The following USH2A variants were observed in gnomAD, a reference collection of about 807,000 sequenced individuals.
USH2A encodes the protein usherin, also known as Usher syndrome 2A (autosomal recessive, mild).
In USH2A, 443 loss-of-function variants were observed where a neutral mutation model predicts 538.9. The observed-to-expected ratio is 0.82, with a 90% confidence interval of 0.76 to 0.89. USH2A has a LOEUF of 0.89. Ranked by LOEUF, USH2A falls within the 40% of genes least tolerant of loss-of-function variation. The probability of loss-of-function intolerance (pLI) is 0.00; values close to 1 mark genes in which losing one functional copy is unlikely to be tolerated. For missense variants in USH2A, 6,633 were observed against 6,324.8 expected (o/e 1.05, Z -1.65); for synonymous variants, 2,413 against 2,273.5 (o/e 1.06, Z -1.75).
chr1:216,082,554 T>C (rs568974707), intron 26 of USH2A, among the ~76,000 whole-genome samples: 2 of 151,750 alleles, frequency 1.3e-5, no homozygotes, highest in Admixed American at 1.3e-4. Flanking sequence ...AATCTAAGGG[T>C]AAGATGTTCA....
At chr1:215,974,626 A>T (rs995084753) in intron 35 of USH2A, among the ~76,000 whole-genome samples, 2 of 152,186 alleles carry the variant, frequency 1.3e-5, no homozygotes, top group Non-Finnish European at 2.9e-5. Flanking sequence ...TGCTTAGTAC[A>T]AAAGCCTCCA....
At chr1:216,069,449 C>T (rs763241559) in intron 30 of USH2A, among the ~76,000 whole-genome samples, 3 of 152,240 alleles carry the variant, frequency 2.0e-5, no homozygotes, top group Non-Finnish European at 4.4e-5. Context: ...AAATTTGACA[C>T]ATTTACTTCC....
chr1:216,097,776 T>C (rs758662750), intron 21 of USH2A, among the ~76,000 whole-genome samples: 4 of 152,170 alleles, frequency 2.6e-5, no homozygotes, highest in Non-Finnish European at 5.9e-5. Flanking sequence ...GCCCTGCATA[T>C]CATAGGATAT....
intron 4 of USH2A, among the ~76,000 whole-genome samples, chr1:216,355,355 GAAAGAAAGAAAGAAAGAAA>G (rs1415860475): frequency 1.3e-5 from 2 of 149,252 alleles, no homozygotes; most frequent in Admixed American, 1.3e-4. Flanking sequence ...AAGAAAGAAA[GAAAGAAAGAAAGAAAGAAA>G]GAAGGAAAGA....
At chr1:215,924,079 A>T (rs1666173541) in intron 38 of USH2A, among the ~76,000 whole-genome samples, 1 of 152,070 alleles carries the variant, frequency 6.6e-6, no homozygotes, top group Admixed American at 6.6e-5. Flanking sequence ...AGCATACGAA[A>T]CATTTAAATA....
At chr1:216,315,330 T>G (rs1486614507) in intron 9 of USH2A, among the ~76,000 whole-genome samples, 3 of 152,236 alleles carry the variant, frequency 2.0e-5, no homozygotes, top group Middle Eastern at 3.4e-3. Context: ...GAGGTGGGAT[T>G]TAAAAGCCTA....
intron 32 of USH2A, among the ~76,000 whole-genome samples, chr1:216,039,977 C>T (rs371570507): frequency 6.6e-6 from 1 of 151,504 alleles, no homozygotes; most frequent in East Asian, 1.9e-4. Flanking sequence ...AGAATTCATC[C>T]ACTTTTCCTC....
At chr1:216,076,516 GTTT>G (rs896084503) in intron 27 of USH2A, among the ~76,000 whole-genome samples, 22 of 151,584 alleles carry the variant, frequency 1.5e-4, no homozygotes, top group Non-Finnish European at 2.1e-4. Flanking sequence ...TTTGTTTCTT[GTTT>G]TTATTTTTTT....
chr1:216,418,495 T>A lies in USH2A; in HGVS notation c.651+19A>T. On this transcript the variant is annotated intron_variant, in intron 3 of 71. Transcript: ENST00000307340. ...TCCTTGTGTTTAACCAAATGTTAAA[T>A]ATTTTTTATTTTACTCACCTGCACA... is the stretch of plus-strand genomic sequence containing the variant. The A allele has an allele frequency of 6.2e-7, 1 of 1,611,594 alleles. No individual in the cohort carries two copies. The highest frequency in any genetic ancestry group is 8.5e-7 in the Non-Finnish European group (1 of 1,179,024).
intron 57 of USH2A, among the ~76,000 whole-genome samples, chr1:215,759,240 CT>C (rs2102741777): frequency 6.6e-6 from 1 of 152,222 alleles, no homozygotes; most frequent in South Asian, 2.1e-4. Context: ...ATATGTGGAA[CT>C]TTTTCCTCTA....
chr1:216,145,708 C>T (rs1201123284), intron 21 of USH2A, among the ~76,000 whole-genome samples: 1 of 152,122 alleles, frequency 6.6e-6, no homozygotes, highest in African/African-American at 2.4e-5. Flanking sequence ...TGAATATGTC[C>T]TGCCCCACCT....
intron 29 of USH2A, chr1:216,072,594 A>T (rs539226474): frequency 7.0e-6 from 3 of 430,484 alleles, no homozygotes; most frequent in African/African-American, 6.0e-5. Context: ...ATCCTTAGAC[A>T]TGTTAGGTAG....
chr1:216,181,080 A>G (rs2034485052), intron 20 of USH2A, among the ~76,000 whole-genome samples: 1 of 152,058 alleles, frequency 6.6e-6, no homozygotes, highest in Non-Finnish European at 1.5e-5. Context: ...AATAAAATAT[A>G]TTTTGCCACT....
At chr1:215,958,981 T>C (rs1667135479) in intron 37 of USH2A, among the ~76,000 whole-genome samples, 2 of 111,196 alleles carry the variant, frequency 1.8e-5, no homozygotes, top group South Asian at 2.9e-4. Context: ...ATTGGAAATA[T>C]GTGAAGATGC....
intron 7 of USH2A, 124 bp downstream of exon 7, chr1:216,324,044 G>T: frequency 9.3e-7 from 1 of 1,072,176 alleles, no homozygotes. Flanking sequence ...ATAAGACTTA[G>T]GAGAATCTGC....
At chr1:216,346,669 G>A (rs920500020) in intron 4 of USH2A, among the ~76,000 whole-genome samples, 3 of 151,192 alleles carry the variant, frequency 2.0e-5, no homozygotes, top group East Asian at 3.9e-4. Context: ...CCTCTTTTTG[G>A]GATCCAGAAT....
intron 6 of USH2A, 94 bp downstream of exon 6, chr1:216,325,211 G>T: frequency 1.5e-6 from 2 of 1,337,498 alleles, no homozygotes; most frequent in Non-Finnish European, 2.1e-6. Context: ...GAACTGTTAG[G>T]GAATATATTT....
chr1:215,667,542 CA>C (rs909570729), intron 64 of USH2A, among the ~76,000 whole-genome samples: 2 of 151,320 alleles, frequency 1.3e-5, no homozygotes, highest in African/African-American at 4.9e-5. Context: ...ACTAAAAATA[CA>C]AAAAAAATTC....
At chr1:216,281,543 C>A (rs1370235291) in intron 11 of USH2A, among the ~76,000 whole-genome samples, 2 of 152,142 alleles carry the variant, frequency 1.3e-5, no homozygotes, top group African/African-American at 4.8e-5. Context: ...CATTTTGTAG[C>A]AGGTACCAGT....
Sources: allele counts gnomAD v4.1 joint callset (sites outside exome capture counted in the v4.1 genomes callset), GRCh38; gene constraint gnomAD v4.1.1; transcripts MANE v1.5; gene names NCBI Gene and HGNC (gene_info 2026-07-23, HGNC 2026-07-21).